DNM2: variants seen among roughly 807,000 people sequenced by gnomAD.
DNM2 encodes the protein dynamin 2.
In DNM2, 15 loss-of-function variants were observed where a neutral mutation model predicts 99.0. That is an observed-to-expected ratio of 0.15 (90% CI 0.10 to 0.23). The LOEUF is 0.23. Among genes scored for constraint, DNM2 ranks in the 10% least tolerant of loss-of-function variants. The probability of loss-of-function intolerance (pLI) is 1.00; values close to 1 mark genes in which losing one functional copy is unlikely to be tolerated. For synonymous variants in DNM2, 525 were observed against 481.2 expected, an observed-to-expected ratio of 1.09 and a Z score of -1.19; for missense variants, 742 against 1,189.4, an observed-to-expected ratio of 0.62 and a Z score of 5.53.
At chr19:10,805,818 C>T (rs2072313571) in intron 12 of DNM2, 98 bp from the exon 13 acceptor site, 3 of 1,505,296 alleles carry the variant, frequency 2.0e-6, no homozygotes, top group Non-Finnish European at 2.8e-6. Flanking sequence ...TGTGGCTGCT[C>T]ACTTGGTCCC....
chr19:10,726,220 A>G (rs2069111209), intron 1 of DNM2, among the ~76,000 whole-genome samples: 1 of 96,564 alleles, frequency 1.0e-5, no homozygotes, highest in East Asian at 3.4e-4. Context: ...CTCTGCCTCA[A>G]AAAAAAAAAA....
chr19:10,815,583 T>C (rs896127925), intron 15 of DNM2, among the ~76,000 whole-genome samples: 4 of 152,120 alleles, frequency 2.6e-5, no homozygotes, highest in Non-Finnish European at 4.4e-5. Flanking sequence ...CTCCTCTCTG[T>C]AGGAGGGAAC....
In DNM2 at chr19:10,735,789, C is replaced by T. The variant is rs143679399; in HGVS notation, c.161+17386C>T. 6.4e-3 allele frequency among the ~76,000 whole-genome samples: 971 copies of T among 152,184 alleles called. 16 individuals carry two copies. Among genetic ancestry groups the T allele is most frequent in the African/African-American group, 0.022 (924 of 41,516 alleles). On this transcript the variant is annotated intron_variant, in intron 1 of 20. Transcript: ENST00000389253. ...TCTGGCTCCCAAAGTGCTGGGATTA[C>T]AGGCATTAACCACTGTGCCCGGCCT...
At chr19:10,786,509 C>T (rs2071564521) in intron 6 of DNM2, 55 bp from the exon 7 acceptor site, 2 of 1,611,850 alleles carry the variant, frequency 1.2e-6, no homozygotes, top group South Asian at 2.2e-5. Flanking sequence ...GTGTCTGCCA[C>T]TCCCTGGTAT....
chr19:10,732,525 A>G (rs1040516906), intron 1 of DNM2, among the ~76,000 whole-genome samples: 31 of 151,662 alleles, frequency 2.0e-4, no homozygotes, highest in Non-Finnish European at 1.8e-4. Flanking sequence ...GTGTGAACCC[A>G]GGAGGCGGAG....
chr19:10,731,881 T>C (rs1568267143), intron 1 of DNM2, among the ~76,000 whole-genome samples: 1 of 152,008 alleles, frequency 6.6e-6, no homozygotes, highest in Non-Finnish European at 1.5e-5. Context: ...CAGGTCAGGC[T>C]GCTTTCTGAG....
chr19:10,802,429 G>A (rs2072186635), intron 12 of DNM2, 71 bp downstream of exon 12: 3 of 1,554,532 alleles, frequency 1.9e-6, no homozygotes, highest in Non-Finnish European at 8.9e-7. Flanking sequence ...AGGTGACTGA[G>A]TTGGGATTCT....
chr19:10,825,023 AG>A, intron 17 of DNM2, 33 bp from the exon 18 acceptor site: 1 of 1,613,104 alleles, frequency 6.2e-7, no homozygotes. Context: ...CCCAGGCCAC[AG>A]TCACCCCTCA....
chr19:10,812,190 G>A lies in DNM2; in HGVS notation c.1558-74G>A. Reference sequence around the variant, plus strand: ...GTCCCTGGCTTCCCACTGAGCTGTGGGCAAGGCTGCTGCGCTGGGGGATGG... The same window carrying A: ...GTCCCTGGCTTCCCACTGAGCTGTGAGCAAGGCTGCTGCGCTGGGGGATGG... On this transcript the variant is annotated intron_variant, in intron 14 of 20. Coordinates refer to ENST00000389253, the MANE Select transcript of DNM2 (RefSeq NM_001005361.3). The surrounding 1 kb of genome is among the most constrained non-coding windows in gnomAD (Gnocchi z 4.0). The A allele has an allele frequency of 7.3e-7, 1 of 1,360,818 alleles. No homozygotes were observed. The allele number at this position is 1,360,818 out of a possible 1,614,324, so 84.3% of individuals were successfully genotyped here.
chr19:10,751,614 G>A (rs1281356244), intron 1 of DNM2, among the ~76,000 whole-genome samples: 2 of 152,194 alleles, frequency 1.3e-5, no homozygotes, highest in African/African-American at 4.8e-5. Context: ...AGTCCAGGCC[G>A]AGGGTGAATG....
chr19:10,759,611 C>A (rs1398099429), intron 1 of DNM2, 127 bp from the exon 2 acceptor site: 8 of 1,096,302 alleles, frequency 7.3e-6, no homozygotes, highest in Non-Finnish European at 4.2e-6. Flanking sequence ...CAGGGCCCAG[C>A]TGGGGTTGGT....
At position 10,820,133 on chromosome 19, in the gene DNM2, AT is replaced by A; in HGVS notation, c.1781+45del. The A allele has an allele frequency of 6.3e-7, 1 of 1,581,638 alleles. No homozygotes were observed. The highest frequency in any genetic ancestry group is 8.7e-7 in the Non-Finnish European group (1 of 1,151,318). On this transcript the variant is annotated intron_variant, in intron 16 of 20. Coordinates refer to ENST00000389253, the MANE Select transcript of DNM2 (RefSeq NM_001005361.3). The surrounding 1 kb of genome is among the most constrained non-coding windows in gnomAD (Gnocchi z 4.3). ...TGGGGATGGCTCGGGGTGAAGACCA[AT>A]GGCCTCATTCACACTCCACAACCTT...
intron 17 of DNM2, chr19:10,824,649 C>A: frequency 4.2e-6 from 1 of 236,950 alleles, no homozygotes; most frequent in Non-Finnish European, 8.4e-6. Flanking sequence ...CCAAAAAATA[C>A]AAACATACCC....
intron 14 of DNM2, 83 bp downstream of exon 14, chr19:10,808,663 C>A: frequency 6.8e-7 from 1 of 1,465,550 alleles, no homozygotes; most frequent in South Asian, 1.2e-5. Context: ...ATTCCCTGTT[C>A]CCCATCCCCT....
Position 10,719,445 on chromosome 19 carries a change from A to G in DNM2, c.161+1042A>G, listed in dbSNP as rs979090621. Among the ~76,000 whole-genome samples, 4 of 152,240 alleles carry G rather than the reference A, an allele frequency of 2.6e-5. No homozygotes were observed. In the South Asian group the frequency reaches 6.2e-4, roughly 24 times the overall value. ...CTTGCGTGATCAGGCCTCAGTGGCT[A>G]GCGCTGGGATGTAGCCTTCTCTGGA... On this transcript the variant is annotated intron_variant, in intron 1 of 20. Coordinates refer to ENST00000389253, the MANE Select transcript of DNM2 (RefSeq NM_001005361.3).
At chr19:10,758,957 T>TC (rs764005146) in intron 1 of DNM2, among the ~76,000 whole-genome samples, 117 of 152,104 alleles carry the variant, frequency 7.7e-4, no homozygotes, top group Non-Finnish European at 2.5e-4. Flanking sequence ...CTTTTTTTTT[T>TC]CCCACACAGA....
chr19:10,751,699 C>G (rs968618382), intron 1 of DNM2, among the ~76,000 whole-genome samples: 1 of 152,252 alleles, frequency 6.6e-6, no homozygotes, highest in Non-Finnish European at 1.5e-5. Flanking sequence ...TCCTGGCGCT[C>G]TCAGCCTGGC....
intron 7 of DNM2, among the ~76,000 whole-genome samples, chr19:10,788,281 C>G (rs1409296272): frequency 6.7e-6 from 1 of 149,916 alleles, no homozygotes; most frequent in Non-Finnish European, 1.5e-5. Flanking sequence ...AGACCTGAAG[C>G]AGGTGAGGGC....
At chr19:10,728,994 C>T (rs1343546068) in intron 1 of DNM2, among the ~76,000 whole-genome samples, 1 of 148,160 alleles carries the variant, frequency 6.7e-6, no homozygotes, top group Non-Finnish European at 1.5e-5. Flanking sequence ...AATCCCAACA[C>T]TTTGGGAGGC....
Sources: gnomAD v4.1 joint callset for allele counts (sites outside exome capture counted in the v4.1 genomes callset) on GRCh38, gnomAD v4.1.1 for gene constraint, Gnocchi (gnomAD v3.1) non-coding constraint, MANE v1.5 for transcripts, NCBI Gene and HGNC (gene_info 2026-07-23, HGNC 2026-07-21) for gene names.